Variants in CSMD1 observed in about 807,000 individuals in gnomAD.
The protein encoded by CSMD1 is CUB and Sushi multiple domains 1.
In CSMD1, 213 loss-of-function variants were observed where a neutral mutation model predicts 417.5. The ratio of observed to expected loss-of-function variants is 0.51; its 90% CI spans 0.46 to 0.57. CSMD1 has a LOEUF of 0.57. Among genes scored for constraint, CSMD1 ranks in the 20% least tolerant of loss-of-function variants. The probability of loss-of-function intolerance (pLI) is 0.00; values close to 1 mark genes in which losing one functional copy is unlikely to be tolerated. For missense variants in CSMD1, 6,923 were observed against 4,529.7 expected (o/e 1.53, Z -15.17); for synonymous variants, 2,862 against 1,736.8 (o/e 1.65, Z -16.11).
At chr8:4,231,589 T>A (rs539115967) in intron 3 of CSMD1, among the ~76,000 whole-genome samples, 1 of 152,204 alleles carries the variant, frequency 6.6e-6, no homozygotes, top group Admixed American at 6.5e-5. Context: ...TTGTTATAAA[T>A]CTGCATACAA....
At chr8:4,083,451 C>G (rs865822676) in intron 3 of CSMD1, among the ~76,000 whole-genome samples, 40 of 152,230 alleles carry the variant, frequency 2.6e-4, no homozygotes, top group Admixed American at 1.3e-4. Context: ...TACTACAAGG[C>G]TACAGTAACC....
chr8:4,898,133 A>G (rs901580129), intron 1 of CSMD1, among the ~76,000 whole-genome samples: 2 of 152,102 alleles, frequency 1.3e-5, no homozygotes, highest in African/African-American at 4.8e-5. Context: ...TTGCCCATAT[A>G]TATGTGTATA....
At chr8:3,652,997 T>C (rs540790449) in intron 7 of CSMD1, among the ~76,000 whole-genome samples, 19 of 152,264 alleles carry the variant, frequency 1.2e-4, no homozygotes, top group Non-Finnish European at 2.2e-4. Flanking sequence ...TCTGCACTAT[T>C]AATGCCACTC....
intron 3 of CSMD1, among the ~76,000 whole-genome samples, chr8:4,130,147 T>G (rs988475481): frequency 6.6e-6 from 1 of 152,160 alleles, no homozygotes; most frequent in African/African-American, 2.4e-5. Context: ...CTTGCTTATT[T>G]TACTGAAAAA....
chr8:3,409,944 C>G (rs973160121), intron 12 of CSMD1, among the ~76,000 whole-genome samples: 1 of 152,164 alleles, frequency 6.6e-6, no homozygotes, highest in African/African-American at 2.4e-5. Flanking sequence ...AATGCAAATA[C>G]CAGTTTAATT....
At chr8:4,417,699 G>C (rs1006619345) in intron 3 of CSMD1, among the ~76,000 whole-genome samples, 1 of 151,984 alleles carries the variant, frequency 6.6e-6, no homozygotes, top group African/African-American at 2.4e-5. Flanking sequence ...AATGGGAAAA[G>C]AGGAAATCTG....
At position 4,824,137 on chromosome 8, in the gene CSMD1, G is replaced by C. The variant is rs997493511; in HGVS notation, c.85+170195C>G. Among the ~76,000 whole-genome samples the C allele has an allele frequency of 4.6e-5, 7 of 150,996 alleles. No homozygotes were observed. In the East Asian group the frequency reaches 1.4e-3, roughly 29 times the overall value. ...TCTCCCTCTCACACGTACATGTAAGGAAATGGGGAAAAACAATTGATGCCT... is the reference window on the plus strand; with the variant it reads ...TCTCCCTCTCACACGTACATGTAAGCAAATGGGGAAAAACAATTGATGCCT... On this transcript the variant is annotated intron_variant, in intron 1 of 69. Coordinates refer to ENST00000635120, the MANE Select transcript of CSMD1 (RefSeq NM_033225.6).
chr8:4,382,393 C>T (rs1054316901), intron 3 of CSMD1, among the ~76,000 whole-genome samples: 2 of 152,178 alleles, frequency 1.3e-5, no homozygotes, highest in Non-Finnish European at 2.9e-5. Flanking sequence ...GAGAGGAGCG[C>T]ATGGTCAATG....
At chr8:4,251,726 G>C (rs1803090982) in intron 3 of CSMD1, among the ~76,000 whole-genome samples, 1 of 152,128 alleles carries the variant, frequency 6.6e-6, no homozygotes. Context: ...TAGTCCTGAT[G>C]AGACGTCACA....
intron 3 of CSMD1, among the ~76,000 whole-genome samples, chr8:4,320,820 C>A (rs552707523): frequency 1.3e-5 from 2 of 152,276 alleles, no homozygotes; most frequent in South Asian, 2.1e-4. Flanking sequence ...TTTGACCCAA[C>A]AATCCCATTA....
intron 10 of CSMD1, among the ~76,000 whole-genome samples, chr8:3,505,596 C>G (rs1796791237): frequency 6.6e-6 from 1 of 152,132 alleles, no homozygotes; most frequent in Non-Finnish European, 1.5e-5. Context: ...ATTCTGTACA[C>G]AAACCCAGAA....
At chr8:3,504,337 G>C (rs963764020) in intron 10 of CSMD1, among the ~76,000 whole-genome samples, 8 of 152,154 alleles carry the variant, frequency 5.3e-5, no homozygotes, top group African/African-American at 1.2e-4. Flanking sequence ...CGAGAGTCTT[G>C]AAAGAATTGT....
At chr8:4,037,463 C>T (rs939703761) in intron 3 of CSMD1, among the ~76,000 whole-genome samples, 1 of 152,180 alleles carries the variant, frequency 6.6e-6, no homozygotes, top group African/African-American at 2.4e-5. Context: ...CAATGGTTTG[C>T]TTTTTTGTCT....
In CSMD1 at chr8:3,359,241, A is replaced by T; in HGVS notation, c.3215T>A (p.Phe1072Tyr). Residue 1072 changes from phenylalanine to tyrosine, a missense_variant, in exon 21 of 70, where the codon TTC becomes TAC. Transcript: ENST00000635120. ...GGCACCTTCTAAACGATATCCCAGG[A>T]AGCAGGAAAACGTCAGAGAGTCTCC... Reference protein sequence around the residue: ...GVGDSLTFSCFLGYRLEGATK... With the variant: ...GVGDSLTFSCYLGYRLEGATK... 1 of 1,613,868 alleles carries T rather than the reference A, an allele frequency of 6.2e-7. No homozygotes were observed. Among genetic ancestry groups the T allele is most frequent in the Non-Finnish European group, 8.5e-7 (1 of 1,179,834 alleles).
At chr8:3,125,142 T>C (rs1585412321) in intron 41 of CSMD1, among the ~76,000 whole-genome samples, 1 of 152,170 alleles carries the variant, frequency 6.6e-6, no homozygotes, top group Admixed American at 6.5e-5. Flanking sequence ...ATATTAGGAG[T>C]CTGAATGGAA....
At chr8:3,323,190 C>CTA (rs888351565) in intron 23 of CSMD1, among the ~76,000 whole-genome samples, 1 of 152,150 alleles carries the variant, frequency 6.6e-6, no homozygotes, top group African/African-American at 2.4e-5. Flanking sequence ...TCGTGGGCAT[C>CTA]TATAATCTAT....
intron 1 of CSMD1, among the ~76,000 whole-genome samples, chr8:4,755,287 A>G (rs1195366132): frequency 6.6e-6 from 1 of 152,166 alleles, no homozygotes; most frequent in African/African-American, 2.4e-5. Context: ...CAACTTGGAA[A>G]TATTTTCTTC....
intron 2 of CSMD1, among the ~76,000 whole-genome samples, chr8:4,454,229 C>T (rs1429265719): frequency 2.0e-5 from 3 of 152,118 alleles, no homozygotes; most frequent in Non-Finnish European, 4.4e-5. Context: ...CCCCCAACAC[C>T]GCCACCCTCC....
chr8:3,179,229 G>A (rs546507128), intron 37 of CSMD1, among the ~76,000 whole-genome samples: 14 of 152,220 alleles, frequency 9.2e-5, no homozygotes, highest in South Asian at 6.2e-4. Context: ...ACAGGCGTGA[G>A]CCACCGCGCC....
Sources: gnomAD v4.1 joint callset for allele counts (sites outside exome capture counted in the v4.1 genomes callset) on GRCh38, gnomAD v4.1.1 for gene constraint, MANE v1.5 for transcripts, NCBI Gene and HGNC (gene_info 2026-07-23, HGNC 2026-07-21) for gene names.